Variants in LRMDA observed in about 807,000 individuals in gnomAD.
LRMDA encodes leucine-rich melanocyte differentiation-associated protein.
LRMDA carries 18 observed loss-of-function variants against 29.8 expected under a neutral mutation model. The observed-to-expected ratio is 0.60, with a 90% CI of 0.42 to 0.90. The LOEUF (loss-of-function observed/expected upper bound fraction) is 0.90, where lower values mean the gene tolerates loss of function less well. LRMDA is among the 40% of genes least tolerant of loss of function. The probability of loss-of-function intolerance (pLI) is 0.00; values close to 1 mark genes in which losing one functional copy is unlikely to be tolerated. For missense variants in LRMDA, 273 were observed against 273.9 expected (o/e 1.00, Z 0.02); for synonymous variants, 125 against 109.4 (o/e 1.14, Z -0.89).
chr10:76,299,156 C>CGTGTGTGTGTGT (rs111635114), intron 5 of LRMDA, among the ~76,000 whole-genome samples: 3,263 of 147,274 alleles, frequency 0.022, 53 homozygotes, highest in South Asian at 0.049. Flanking sequence ...AGAGAAGAGC[C>CGTGTGTGTGTGT]GTGTGTGTGT....
chr10:76,376,405 A>C (rs1475979498), intron 6 of LRMDA, among the ~76,000 whole-genome samples: 1 of 152,104 alleles, frequency 6.6e-6, no homozygotes, highest in African/African-American at 2.4e-5. Context: ...ATACATACAT[A>C]CAAACATACA....
At chr10:75,843,507 G>A (rs1043962015) in intron 2 of LRMDA, among the ~76,000 whole-genome samples, 1 of 152,176 alleles carries the variant, frequency 6.6e-6, no homozygotes, top group African/African-American at 2.4e-5. Flanking sequence ...TGAGTTTCCT[G>A]TGTCTTTCTT....
intron 5 of LRMDA, among the ~76,000 whole-genome samples, chr10:76,250,565 C>T (rs959308281): frequency 7.2e-5 from 11 of 152,082 alleles, no homozygotes; most frequent in African/African-American, 2.2e-4. Context: ...TTTCAAATCT[C>T]GTATTTGGAG....
chr10:76,267,303 C>T (rs10762704), intron 5 of LRMDA, among the ~76,000 whole-genome samples: 75,319 of 151,940 alleles, frequency 0.5, 18,905 homozygotes, highest in South Asian at 0.6. Flanking sequence ...TATTACACTA[C>T]AACTTTTAAA....
chr10:76,410,022 G>A (rs896294215), intron 6 of LRMDA, among the ~76,000 whole-genome samples: 19 of 152,136 alleles, frequency 1.2e-4, no homozygotes, highest in African/African-American at 2.4e-4. Context: ...CTCGACAACC[G>A]TATCACAACT....
intron 6 of LRMDA, among the ~76,000 whole-genome samples, chr10:76,538,425 G>T (rs1239634758): frequency 2.8e-5 from 4 of 144,918 alleles, no homozygotes; most frequent in Admixed American, 7.0e-5. Flanking sequence ...TTTGCTTGTT[G>T]CATTTTTACT....
chr10:75,808,044 A>C (rs1843889279), intron 2 of LRMDA, among the ~76,000 whole-genome samples: 2 of 152,152 alleles, frequency 1.3e-5, no homozygotes, highest in African/African-American at 2.4e-5. Flanking sequence ...CATTCTTCTT[A>C]TTTTTAGGAA....
At chr10:75,526,971 G>A (rs141625745) in intron 2 of LRMDA, among the ~76,000 whole-genome samples, 7 of 152,174 alleles carry the variant, frequency 4.6e-5, no homozygotes, top group African/African-American at 1.7e-4. Flanking sequence ...CCTCCATCTA[G>A]TTCTTGAACA....
chr10:76,312,816 A>G (rs1238335850), intron 5 of LRMDA, among the ~76,000 whole-genome samples: 1 of 151,642 alleles, frequency 6.6e-6, no homozygotes, highest in African/African-American at 2.4e-5. Flanking sequence ...TAATTCATAT[A>G]ATGCCTATTT....
At chr10:75,857,947 T>C (rs1021392733) in intron 2 of LRMDA, among the ~76,000 whole-genome samples, 3 of 152,210 alleles carry the variant, frequency 2.0e-5, no homozygotes, top group African/African-American at 7.2e-5. Flanking sequence ...GTTGTGTAGT[T>C]TCATGGAGAT....
At chr10:75,812,366 C>T (rs908327409) in intron 2 of LRMDA, among the ~76,000 whole-genome samples, 6 of 151,992 alleles carry the variant, frequency 3.9e-5, no homozygotes, top group Admixed American at 6.6e-5. Context: ...TAAATTAGCA[C>T]GTACAATGTG....
At chr10:76,053,622 A>T (rs1848565030) in intron 4 of LRMDA, among the ~76,000 whole-genome samples, 1 of 152,222 alleles carries the variant, frequency 6.6e-6, no homozygotes, top group Non-Finnish European at 1.5e-5. Flanking sequence ...ACAGGCAAGC[A>T]GGAAGCCCAC....
chr10:76,306,556 T>A (rs1350287105), intron 5 of LRMDA, among the ~76,000 whole-genome samples: 1 of 152,180 alleles, frequency 6.6e-6, no homozygotes, highest in Non-Finnish European at 1.5e-5. Context: ...ATTGTCCTCA[T>A]CCTCAACACA....
At chr10:75,539,170 G>A (rs1443676879) in intron 2 of LRMDA, among the ~76,000 whole-genome samples, 1 of 152,086 alleles carries the variant, frequency 6.6e-6, no homozygotes, top group African/African-American at 2.4e-5. Context: ...TCCTTTAAGG[G>A]TCATCTTTAT....
At chr10:75,927,112 A>AGCCTTTTCAGTG (rs1403298700) in intron 2 of LRMDA, among the ~76,000 whole-genome samples, 1 of 152,202 alleles carries the variant, frequency 6.6e-6, no homozygotes, top group Non-Finnish European at 1.5e-5. Context: ...GAGCTTAACT[A>AGCCTTTTCAGTG]GCCTTTTCAG....
chr10:75,687,015 G>C (rs1227376467), intron 2 of LRMDA, among the ~76,000 whole-genome samples: 9 of 152,160 alleles, frequency 5.9e-5, no homozygotes, highest in African/African-American at 1.9e-4. Flanking sequence ...AATAAATGCT[G>C]TGTGTGCTCT....
chr10:76,117,145 G>T (rs113860564), intron 5 of LRMDA, among the ~76,000 whole-genome samples: 2,694 of 152,252 alleles, frequency 0.018, 87 homozygotes, highest in African/African-American at 0.061. Context: ...TACCAACAGT[G>T]CTCGTGCTTC....
At chr10:75,993,214 C>T (rs571126408) in intron 2 of LRMDA, among the ~76,000 whole-genome samples, 150 of 152,088 alleles carry the variant, frequency 9.9e-4, no homozygotes, top group Non-Finnish European at 1.8e-3. Context: ...TGATCCAAAG[C>T]TACTTTTCTG....
chr10:75,959,516 T>TGC (rs1784312142), intron 2 of LRMDA, among the ~76,000 whole-genome samples: 2 of 50,516 alleles, frequency 4.0e-5, no homozygotes, highest in African/African-American at 1.5e-4. Flanking sequence ...CGCACGTGCA[T>TGC]GCACACACAC....
Sources: gnomAD v4.1 joint callset for allele counts (sites outside exome capture counted in the v4.1 genomes callset) on GRCh38, gnomAD v4.1.1 for gene constraint, MANE v1.5 for transcripts, NCBI Gene and HGNC (gene_info 2026-07-23, HGNC 2026-07-21) for gene names.